The following DNAI7 variants were observed in gnomAD, a reference collection of about 807,000 sequenced individuals.
The protein encoded by DNAI7 is dynein axonemal intermediate chain 7.
DNAI7 carries 78 observed loss-of-function variants against 86.6 expected under a neutral mutation model. That is an observed-to-expected ratio of 0.90 (90% confidence interval 0.75 to 1.09). DNAI7 has a LOEUF of 1.09. DNAI7 is among the 50% of genes least tolerant of loss of function. The probability of loss-of-function intolerance (pLI) is 0.00; values close to 1 mark genes in which losing one functional copy is unlikely to be tolerated. For missense variants in DNAI7, 753 were observed against 810.2 expected, an observed-to-expected ratio of 0.93 and a Z score of 0.86; for synonymous variants, 274 against 273.0, an observed-to-expected ratio of 1.00 and a Z score of -0.04.
chr12:25,194,450 G>A (rs1275111319), intron 1 of DNAI7, among the ~76,000 whole-genome samples: 1 of 152,178 alleles, frequency 6.6e-6, no homozygotes, highest in East Asian at 1.9e-4. Context: ...ACTTCCTCTG[G>A]TTTTAATTAT....
chr12:25,163,791 T>C (rs919166488), intron 2 of DNAI7, among the ~76,000 whole-genome samples: 2 of 152,178 alleles, frequency 1.3e-5, no homozygotes, highest in African/African-American at 4.8e-5. Flanking sequence ...CTTTTTACTC[T>C]CTTCTCCAAC....
intron 4 of DNAI7, among the ~76,000 whole-genome samples, chr12:25,157,996 G>A (rs1396649911): frequency 1.3e-5 from 2 of 152,280 alleles, no homozygotes; most frequent in East Asian, 3.9e-4. Context: ...TTGGGAGGCT[G>A]AGGGGGGCGG....
At chr12:25,173,117 G>A (rs539765440) in intron 2 of DNAI7, among the ~76,000 whole-genome samples, 1 of 152,070 alleles carries the variant, frequency 6.6e-6, no homozygotes, top group Non-Finnish European at 1.5e-5. Context: ...CCTAATTAAA[G>A]ACCTTTTGCA....
At position 25,110,123 on chromosome 12, in the gene DNAI7, A is replaced by G. The variant is rs780497564; in HGVS notation, c.1893+4T>C. The G allele has an allele frequency of 6.7e-7, 1 of 1,481,640 alleles. No homozygotes were observed. The allele number at this position is 1,481,640 out of a possible 1,614,324, so 91.8% of individuals were successfully genotyped here. On this transcript the variant is annotated splice_donor_region_variant and intron_variant, in intron 15 of 15. Transcript: ENST00000395987. Reference sequence around the variant, plus strand: ...GTAGTTTTATGGGTTTCTACATATCATACCTTAAATACGACTTTTGTAGAA... The same window carrying G: ...GTAGTTTTATGGGTTTCTACATATCGTACCTTAAATACGACTTTTGTAGAA...
At chr12:25,123,076 G>A (rs372432517) in intron 10 of DNAI7, 135 bp downstream of exon 10, 4 of 608,176 alleles carry the variant, frequency 6.6e-6, no homozygotes, top group East Asian at 3.0e-5. Context: ...TGGTATCTCA[G>A]AAAAGGGACT....
chr12:25,164,455 A>C (rs189579703), intron 2 of DNAI7, among the ~76,000 whole-genome samples: 204 of 151,954 alleles, frequency 1.3e-3, no homozygotes, highest in African/African-American at 4.7e-3. Flanking sequence ...GTTCTTAAAA[A>C]CCTAAAACCT....
intron 10 of DNAI7, 90 bp downstream of exon 10, chr12:25,123,121 T>G: frequency 1.2e-6 from 1 of 804,682 alleles, no homozygotes; most frequent in African/African-American, 1.8e-5. Context: ...ATTTTTGCAA[T>G]GTCTGAATTT....
intron 9 of DNAI7, among the ~76,000 whole-genome samples, chr12:25,135,997 T>C (rs1200499718): frequency 6.6e-6 from 1 of 152,120 alleles, no homozygotes; most frequent in Non-Finnish European, 1.5e-5. Flanking sequence ...ACCTGAATAC[T>C]TATCCAGGTT....
downstream of DNAI7, among the ~76,000 whole-genome samples, chr12:25,107,252 ACTGTAATATATGTTATATTCT>A (rs1401464523): frequency 2.0e-5 from 3 of 152,172 alleles, no homozygotes; most frequent in Non-Finnish European, 4.4e-5. Flanking sequence ...CATAACTTTT[ACTGTAATATATGTTATATTCT>A]ATTTTATGTT....
At chr12:25,134,293 G>A (rs1208049164) in intron 9 of DNAI7, among the ~76,000 whole-genome samples, 1 of 150,052 alleles carries the variant, frequency 6.7e-6, no homozygotes, top group Non-Finnish European at 1.5e-5. Context: ...TTTGAACATA[G>A]CCTCAAATTT....
In DNAI7 at chr12:25,143,740, C is replaced by T. The variant is rs188324967; in HGVS notation, c.1002+625G>A. Among the ~76,000 whole-genome samples, 68 of 152,240 alleles carry T rather than the reference C, an allele frequency of 4.5e-4. 1 individual carries two copies. The highest frequency in any genetic ancestry group is 1.5e-3 in the African/African-American group (63 of 41,536). Reference sequence around the variant, plus strand: ...AGATATTTTGGTCCCTCATAACATGCAAATAGGCTATTAAACAAAGAATCT... The same window carrying T: ...AGATATTTTGGTCCCTCATAACATGTAAATAGGCTATTAAACAAAGAATCT... On this transcript the variant is annotated intron_variant, in intron 9 of 15. Transcript: ENST00000395987.
rs1209292848 is a variant in DNAI7, at chr12:25,108,406, A to AATTTT, written c.*141_*142insAAAAT. The AATTTT allele has an allele frequency of 1.4e-6, 1 of 720,698 alleles. No homozygotes were observed. Among genetic ancestry groups the AATTTT allele is most frequent in the African/African-American group, 1.8e-5 (1 of 55,682 alleles). 44.6% of individuals were successfully genotyped at this position (720,698 alleles called of 1,614,324 possible). ...AAAAAAATACTGTTTTTAAAATAAA[A>AATTTT]CTTGAGTAGAAAATGCAGATTAGAA... On this transcript the variant is annotated 3_prime_UTR_variant, in exon 16 of 16. Transcript: ENST00000395987.
chr12:25,173,769 AATC>A (rs1232203612), intron 2 of DNAI7, among the ~76,000 whole-genome samples: 1 of 151,402 alleles, frequency 6.6e-6, no homozygotes, highest in African/African-American at 2.4e-5. Flanking sequence ...TGCACACACA[AATC>A]ATATATATAC....
chr12:25,161,049 C>T (rs538494137), intron 3 of DNAI7, 64 bp downstream of exon 3: 119 of 1,275,354 alleles, frequency 9.3e-5, no homozygotes, highest in Non-Finnish European at 1.2e-4. Context: ...GACTTTACTA[C>T]AAAAGACCAA....
At chr12:25,152,375 C>T (rs1431401559) in intron 6 of DNAI7, among the ~76,000 whole-genome samples, 1 of 152,180 alleles carries the variant, frequency 6.6e-6, no homozygotes, top group Non-Finnish European at 1.5e-5. Context: ...TTTAATCAAG[C>T]ATGCCTACAT....
At chr12:25,115,006 G>A (rs10842471) in intron 12 of DNAI7, 136 bp from the exon 13 acceptor site, 381,065 of 643,050 alleles carry the variant, frequency 0.59, 120,073 homozygotes, top group East Asian at 0.88. Flanking sequence ...AAGAAGGCCA[G>A]CTTCGCTGAG....
intron 2 of DNAI7, among the ~76,000 whole-genome samples, chr12:25,178,148 T>G (rs1949143233): frequency 6.6e-6 from 1 of 152,194 alleles, no homozygotes; most frequent in Non-Finnish European, 1.5e-5. Context: ...CCCCCTTTTG[T>G]CATGCTCTAG....
At chr12:25,126,992 A>G (rs912686513) in intron 9 of DNAI7, among the ~76,000 whole-genome samples, 1 of 152,326 alleles carries the variant, frequency 6.6e-6, no homozygotes, top group East Asian at 1.9e-4. Flanking sequence ...ACAGGAATTT[A>G]TCAGTTTCTA....
At chr12:25,122,727 T>C (rs976341099) in intron 10 of DNAI7, among the ~76,000 whole-genome samples, 2 of 152,200 alleles carry the variant, frequency 1.3e-5, no homozygotes, top group African/African-American at 4.8e-5. Context: ...CCAGAAGTGT[T>C]GCGAGATTTT....
Sources: allele counts gnomAD v4.1 joint callset (sites outside exome capture counted in the v4.1 genomes callset), GRCh38; gene constraint gnomAD v4.1.1; transcripts MANE v1.5; gene names NCBI Gene and HGNC (gene_info 2026-07-23, HGNC 2026-07-21).